Variants in EYA3 observed in about 807,000 individuals in gnomAD.
The protein encoded by EYA3 is protein phosphatase EYA3.
A neutral mutation model predicts 80.0 loss-of-function variants in EYA3; 39 were observed. The ratio of observed to expected loss-of-function variants is 0.49; its 90% CI spans 0.38 to 0.64. The LOEUF (loss-of-function observed/expected upper bound fraction) is 0.64. Ranked by LOEUF, EYA3 falls within the 30% of genes least tolerant of loss-of-function variation. EYA3 has a pLI of 0.00. For synonymous variants in EYA3, 206 were observed against 232.8 expected, an observed-to-expected ratio of 0.88 and a Z score of 1.05; for missense variants, 523 against 676.1, an observed-to-expected ratio of 0.77 and a Z score of 2.51.
chr1:28,052,349 A>G (rs1264906143), intron 2 of EYA3, among the ~76,000 whole-genome samples: 11 of 152,130 alleles, frequency 7.2e-5, no homozygotes, highest in Admixed American at 3.9e-4. Flanking sequence ...AGTAATCAAG[A>G]CCGTGTGGTA....
Position 27,993,517 on chromosome 1 carries a change from T to A in EYA3, c.1186A>T (p.Ser396Cys). 1 of 1,612,136 alleles carries A rather than the reference T, an allele frequency of 6.2e-7. No individual in the cohort carries two copies. Among genetic ancestry groups the A allele is most frequent in the South Asian group, 1.1e-5 (1 of 90,816 alleles). The change falls in exon 14 of 18, where the codon AGT becomes TGT. Residue 396 changes from serine (S) to cysteine (C), a missense_variant. Physicochemically the swap from Ser to Cys is moderately radical, Grantham distance 112. Coordinates refer to ENST00000373871, the MANE Select transcript of EYA3 (RefSeq NM_001990.4). ...CCCACAGATGAACCATGGCTGCCAC[T>A]ACCTCCTGAGCCACTGAAACCATCT... ...STDGFSGSGG[S>C]GSHGSSVGVQ...
intron 16 of EYA3, among the ~76,000 whole-genome samples, chr1:27,983,015 G>A (rs1639416636): frequency 6.6e-6 from 1 of 152,094 alleles, no homozygotes; most frequent in African/African-American, 2.4e-5. Context: ...ATAAGCAAGT[G>A]TGCATCAAAA....
rs1638703599 is a variant in EYA3, at chr1:27,970,967, T to G, written c.*3499A>C. On this transcript the variant is annotated 3_prime_UTR_variant, in exon 18 of 18. Coordinates refer to ENST00000373871, the MANE Select transcript of EYA3 (RefSeq NM_001990.4). ...AGCTCCACATGCTGCAGCTAGAGTT[T>G]GCAAGTCAGATTCTATTTGGAATTT... 6.6e-6 allele frequency: 1 copy of G among 152,242 alleles called. No homozygotes were observed. 9.4% of individuals were successfully genotyped at this position (152,242 alleles called of 1,614,324 possible). A position where few individuals can be genotyped will look rare whatever the true frequency, so the allele number is the denominator to read the frequency against.
chr1:28,065,796 A>G (rs2148917342), intron 1 of EYA3, among the ~76,000 whole-genome samples: 1 of 151,180 alleles, frequency 6.6e-6, no homozygotes, highest in East Asian at 2.0e-4. Context: ...TGAGGTCAGG[A>G]GTTCAAGGCC....
At chr1:27,991,789 T>C (rs1640084072) in intron 14 of EYA3, among the ~76,000 whole-genome samples, 1 of 152,226 alleles carries the variant, frequency 6.6e-6, no homozygotes, top group Admixed American at 6.5e-5. Context: ...AATTTTAATC[T>C]ATTCTCCAAA....
At chr1:28,047,991 T>A (rs955423012) in intron 3 of EYA3, among the ~76,000 whole-genome samples, 2 of 152,202 alleles carry the variant, frequency 1.3e-5, no homozygotes, top group African/African-American at 2.4e-5. Flanking sequence ...AGTCATTTCA[T>A]AACCATTTGG....
intron 12 of EYA3, chr1:27,998,382 T>C: frequency 3.4e-6 from 3 of 889,832 alleles, no homozygotes; most frequent in Non-Finnish European, 4.0e-6. Flanking sequence ...CAATTGGCAA[T>C]AATTATTGGC....
At chr1:27,981,760 T>C (rs1639316842) in intron 16 of EYA3, among the ~76,000 whole-genome samples, 1 of 133,268 alleles carries the variant, frequency 7.5e-6, no homozygotes, top group Non-Finnish European at 1.6e-5. Flanking sequence ...TGAGACCCTG[T>C]CTCAAAAAAA....
chr1:28,056,691 C>T (rs1644449381), intron 2 of EYA3, among the ~76,000 whole-genome samples: 1 of 152,096 alleles, frequency 6.6e-6, no homozygotes, highest in African/African-American at 2.4e-5. Context: ...AAGAGAATGA[C>T]AAGGAAATGA....
chr1:28,011,125 C>A (rs1641667249), intron 9 of EYA3, 39 bp from the exon 10 acceptor site: 1 of 1,598,962 alleles, frequency 6.3e-7, no homozygotes, highest in Non-Finnish European at 8.5e-7. Flanking sequence ...TCAGGAGTCA[C>A]AGGCTATAAG....
At chr1:28,001,496 C>A (rs1284198234) in intron 11 of EYA3, among the ~76,000 whole-genome samples, 1 of 144,022 alleles carries the variant, frequency 6.9e-6, no homozygotes, top group African/African-American at 2.8e-5. Flanking sequence ...CGCCTGTAAT[C>A]GCAGCACTTT....
At chr1:28,077,173 G>A (rs1378306837) in intron 1 of EYA3, among the ~76,000 whole-genome samples, 2 of 141,586 alleles carry the variant, frequency 1.4e-5, no homozygotes, top group Admixed American at 7.4e-5. Context: ...GCGCAATCTC[G>A]GCTCACTGCA....
In EYA3 at chr1:28,003,628, G is replaced by A. The variant is rs970947193; in HGVS notation, c.993+708C>T. Reference sequence around the variant, plus strand: ...TCGCTAAGTTGCCCAAGCTGGATTCGAACTCCTAGGCTCAAGCAATCTTCC... The same window carrying A: ...TCGCTAAGTTGCCCAAGCTGGATTCAAACTCCTAGGCTCAAGCAATCTTCC... On this transcript the variant is annotated intron_variant, in intron 11 of 17. Coordinates refer to ENST00000373871, the MANE Select transcript of EYA3 (RefSeq NM_001990.4). 4.6e-5 allele frequency among the ~76,000 whole-genome samples: 7 copies of A among 152,210 alleles called. No individual in the cohort carries two copies. In the East Asian group the frequency reaches 9.7e-4, roughly 21 times the overall value.
intron 13 of EYA3, among the ~76,000 whole-genome samples, chr1:27,994,221 G>A (rs1300118797): frequency 6.6e-6 from 1 of 152,206 alleles, no homozygotes; most frequent in African/African-American, 2.4e-5. Context: ...TCTGGAAGAA[G>A]CCAGCTGTCA....
chr1:27,993,574 A>C lies in EYA3; in HGVS notation c.1143-14T>G. On this transcript the variant is annotated splice_polypyrimidine_tract_variant and intron_variant, in intron 13 of 17. Transcript: ENST00000373871. ...AAACTGTAGTTGCTGCAAGGAGAGA[A>C]GATAATAAAAATTAAAATTTATACA... 6.4e-7 allele frequency: 1 copy of C among 1,562,300 alleles called. No individual in the cohort carries two copies. Among genetic ancestry groups the C allele is most frequent in the South Asian group, 1.2e-5 (1 of 81,944 alleles).
intron 17 of EYA3, 49 bp downstream of exon 17, chr1:27,978,325 C>T (rs1180598735): frequency 8.1e-6 from 11 of 1,358,866 alleles, no homozygotes; most frequent in Non-Finnish European, 9.4e-6. Context: ...CCATTTTTCT[C>T]ATTACTCGAT....
chr1:28,038,850 C>A lies in EYA3; in HGVS notation c.213G>T (p.Met71Ile). ...PRSSNDYTSQ[M>I]YSAKPYAHIL... is the part of the protein sequence containing the mutation. Reference sequence around the variant, plus strand: ...ATTATTCAACTTACTTTGCAGAATACATTTGTGAGGTATAATCATTGGATG... The same window carrying A: ...ATTATTCAACTTACTTTGCAGAATAAATTTGTGAGGTATAATCATTGGATG... Residue 71 changes from methionine (M) to isoleucine (I), a missense_variant, in exon 5 of 18, where the codon ATG becomes ATT. Met to Ile is a conservative substitution (Grantham distance 10). This residue lies in a region of EYA3 where 304 missense variants were observed against 343.3 expected (regional missense o/e 0.89). Coordinates refer to ENST00000373871, the MANE Select transcript of EYA3 (RefSeq NM_001990.4). 6.3e-7 allele frequency: 1 copy of A among 1,585,894 alleles called. No individual in the cohort carries two copies. The highest frequency in any genetic ancestry group is 8.6e-7 in the Non-Finnish European group (1 of 1,162,034).
At chr1:27,996,429 G>A (rs1448276321) in intron 13 of EYA3, among the ~76,000 whole-genome samples, 1 of 152,132 alleles carries the variant, frequency 6.6e-6, no homozygotes, top group East Asian at 1.9e-4. Flanking sequence ...AACAACTGGG[G>A]TTCAGAGCAG....
At chr1:28,038,398 T>G (rs897825818) in intron 5 of EYA3, among the ~76,000 whole-genome samples, 2 of 135,316 alleles carry the variant, frequency 1.5e-5, no homozygotes, top group African/African-American at 5.8e-5. Flanking sequence ...ATCGTGCCAC[T>G]GCACTCCAGC....
Sources: allele counts gnomAD v4.1 joint callset (sites outside exome capture counted in the v4.1 genomes callset), GRCh38; gene constraint gnomAD v4.1.1; regional missense constraint gnomAD v4.1.1; transcripts MANE v1.5; gene names NCBI Gene and HGNC (gene_info 2026-07-23, HGNC 2026-07-21).